SGCZ: variants seen among roughly 807,000 people sequenced by gnomAD.
SGCZ encodes sarcoglycan zeta, also known as zeta-sarcoglycan.
SGCZ carries 40 observed loss-of-function variants against 41.3 expected under a neutral mutation model. The observed-to-expected ratio is 0.97, with a 90% CI of 0.75 to 1.26. The LOEUF (loss-of-function observed/expected upper bound fraction) is 1.26. Among genes scored for constraint, SGCZ ranks in the 50% most tolerant of loss-of-function variants. The pLI, the probability that SGCZ is intolerant of heterozygous loss-of-function variation, is 0.00. For missense variants in SGCZ, 552 were observed against 369.8 expected, an observed-to-expected ratio of 1.49 and a Z score of -4.04; for synonymous variants, 206 against 137.5, an observed-to-expected ratio of 1.50 and a Z score of -3.49.
chr8:14,238,266 G>A (rs1039203074), intron 3 of SGCZ, among the ~76,000 whole-genome samples: 1 of 152,108 alleles, frequency 6.6e-6, no homozygotes, highest in Non-Finnish European at 1.5e-5. Flanking sequence ...CCAGGGACAG[G>A]AACCATGACA....
At chr8:14,469,388 A>G (rs117891608) in intron 2 of SGCZ, among the ~76,000 whole-genome samples, 1 of 152,138 alleles carries the variant, frequency 6.6e-6, no homozygotes, top group Non-Finnish European at 1.5e-5. Context: ...CTCAAATCCA[A>G]TCCCTCTCAC....
At chr8:14,649,444 C>A (rs1228110964) in intron 1 of SGCZ, among the ~76,000 whole-genome samples, 1 of 151,998 alleles carries the variant, frequency 6.6e-6, no homozygotes, top group Non-Finnish European at 1.5e-5. Flanking sequence ...AGACTTAATG[C>A]GTGGCACTGC....
At chr8:15,037,921 G>A (rs1480771935) in intron 1 of SGCZ, among the ~76,000 whole-genome samples, 4 of 151,880 alleles carry the variant, frequency 2.6e-5, no homozygotes, top group Non-Finnish European at 5.9e-5. Flanking sequence ...AGAGAGAAGT[G>A]TATACTGAAA....
intron 1 of SGCZ, among the ~76,000 whole-genome samples, chr8:14,931,864 G>A (rs1799930932): frequency 6.6e-6 from 1 of 151,822 alleles, no homozygotes; most frequent in African/African-American, 2.4e-5. Flanking sequence ...ATTCATAACT[G>A]TTTTAACCTT....
chr8:14,722,771 G>A (rs1354111216), intron 1 of SGCZ, among the ~76,000 whole-genome samples: 1 of 151,998 alleles, frequency 6.6e-6, no homozygotes, highest in African/African-American at 2.4e-5. Flanking sequence ...GGCAGAGGGA[G>A]GGGCAAGCAA....
intron 1 of SGCZ, among the ~76,000 whole-genome samples, chr8:14,918,609 G>C (rs918132057): frequency 3.3e-5 from 5 of 152,140 alleles, no homozygotes; most frequent in Non-Finnish European, 7.4e-5. Context: ...ATTCATTATA[G>C]TAGAAACAAC....
At chr8:14,210,109 A>G (rs1805752826) in intron 4 of SGCZ, among the ~76,000 whole-genome samples, 2 of 152,004 alleles carry the variant, frequency 1.3e-5, no homozygotes, top group African/African-American at 4.8e-5. Flanking sequence ...CCAGACTGGA[A>G]CGCAGTTGTG....
At chr8:14,882,111 A>C (rs1265236556) in intron 1 of SGCZ, among the ~76,000 whole-genome samples, 4 of 152,228 alleles carry the variant, frequency 2.6e-5, no homozygotes, top group Admixed American at 2.6e-4. Context: ...AAATGCTCAC[A>C]TCAAAAAGCT....
intron 1 of SGCZ, among the ~76,000 whole-genome samples, chr8:15,026,251 G>C (rs562103827): frequency 6.6e-6 from 1 of 152,044 alleles, no homozygotes; most frequent in Non-Finnish European, 1.5e-5. Context: ...TTTGAAAAAT[G>C]TGTTCAATCT....
At chr8:15,162,447 G>C (rs370889556) in intron 1 of SGCZ, among the ~76,000 whole-genome samples, 1 of 152,096 alleles carries the variant, frequency 6.6e-6, no homozygotes, top group Non-Finnish European at 1.5e-5. Context: ...CTTTCAGAAA[G>C]AGCCATATAT....
chr8:14,267,856 G>T (rs1799927488), intron 3 of SGCZ, among the ~76,000 whole-genome samples: 1 of 151,764 alleles, frequency 6.6e-6, no homozygotes, highest in Admixed American at 6.6e-5. Flanking sequence ...TTTGCTCAAG[G>T]TATATATTCT....
chr8:14,827,088 C>T (rs558067463), intron 1 of SGCZ, among the ~76,000 whole-genome samples: 8 of 151,664 alleles, frequency 5.3e-5, no homozygotes, highest in African/African-American at 7.3e-5. Flanking sequence ...TAAAGACTTA[C>T]ATGTTAGACA....
chr8:14,279,914 T>C (rs188276987), intron 3 of SGCZ, among the ~76,000 whole-genome samples: 391 of 152,048 alleles, frequency 2.6e-3, no homozygotes, highest in Middle Eastern at 0.01. Context: ...GACTTATTTG[T>C]TCACTAATAT....
Position 14,236,892 on chromosome 8 carries a change from G to A in SGCZ, c.424+700C>T, listed in dbSNP as rs1160460039. On this transcript the variant is annotated intron_variant, in intron 4 of 7. Transcript: ENST00000382080. ...AATCTCCAAATTAAAATATTTATTT[G>A]CTATGAGAAAAAAATTAATACTTCA... Among the ~76,000 whole-genome samples the A allele has an allele frequency of 5.3e-5, 8 of 151,454 alleles. No homozygotes were observed. In the East Asian group the frequency reaches 1.2e-3, roughly 22 times the overall value.
rs1256398349 is a variant in SGCZ, at chr8:14,108,237, TG to T, written c.548-3del. On this transcript the variant is annotated splice_polypyrimidine_tract_variant and splice_region_variant and intron_variant, in intron 5 of 7. Transcript: ENST00000382080. ...GCCCAAATACGGCTCCTTCAGTGCC[TG>T]GGGGTAGCATGAATATAGCAGTCAG... 5 of 1,613,880 alleles carry T rather than the reference TG, an allele frequency of 3.1e-6. No individual in the cohort carries two copies. In the African/African-American group the frequency reaches 6.7e-5, roughly 22 times the overall value.
chr8:14,429,695 C>A (rs1799888476), intron 2 of SGCZ, among the ~76,000 whole-genome samples: 1 of 152,034 alleles, frequency 6.6e-6, no homozygotes, highest in African/African-American at 2.4e-5. Context: ...GCTAATCGTC[C>A]TTAGAAGAAG....
intron 2 of SGCZ, among the ~76,000 whole-genome samples, chr8:14,508,156 A>G (rs1216573746): frequency 6.6e-6 from 1 of 152,078 alleles, no homozygotes; most frequent in Admixed American, 6.6e-5. Flanking sequence ...AGAACTTACC[A>G]GTACCTAACA....
At chr8:14,595,440 C>CACAT (rs1554459974) in intron 1 of SGCZ, among the ~76,000 whole-genome samples, 4 of 149,452 alleles carry the variant, frequency 2.7e-5, no homozygotes, top group Non-Finnish European at 4.4e-5. Context: ...CACACACACA[C>CACAT]ACCATGTACT....
chr8:14,129,345 CAAAAAAAAAAAAAAA>C (rs534660638), intron 5 of SGCZ, among the ~76,000 whole-genome samples: 1 of 44,114 alleles, frequency 2.3e-5, no homozygotes, highest in Admixed American at 3.7e-4. Context: ...GACTCCGTCT[CAAAAAAAAAAAAAAA>C]AAAAAAAAAA....
Sources: gnomAD v4.1 joint callset for allele counts (sites outside exome capture counted in the v4.1 genomes callset) on GRCh38, gnomAD v4.1.1 for gene constraint, MANE v1.5 for transcripts, NCBI Gene and HGNC (gene_info 2026-07-23, HGNC 2026-07-21) for gene names.